The following PIEZO2 variants were observed in gnomAD, a reference collection of about 807,000 sequenced individuals.
PIEZO2 encodes the protein piezo-type mechanosensitive ion channel component 2.
A neutral mutation model predicts 337.3 loss-of-function variants in PIEZO2; 172 were observed. The observed-to-expected ratio is 0.51, with a 90% CI of 0.45 to 0.58. The LOEUF (loss-of-function observed/expected upper bound fraction) is 0.58, where lower values mean the gene tolerates loss of function less well. Ranked by LOEUF, PIEZO2 falls within the 20% of genes least tolerant of loss-of-function variation. PIEZO2 has a pLI of 0.00. For synonymous variants in PIEZO2, 1,251 were observed against 1,228.5 expected, an observed-to-expected ratio of 1.02 and a Z score of -0.38; for missense variants, 3,028 against 3,391.3, an observed-to-expected ratio of 0.89 and a Z score of 2.66.
chr18:11,060,022 G>T (rs2037882474), intron 2 of PIEZO2, among the ~76,000 whole-genome samples: 1 of 152,104 alleles, frequency 6.6e-6, no homozygotes, highest in East Asian at 1.9e-4. Context: ...GCACTCCTCA[G>T]CAAATGTAAA....
chr18:10,918,404 A>C lies in PIEZO2; in HGVS notation c.287-7176T>G, dbSNP rs191296959. On this transcript the variant is annotated intron_variant, in intron 3 of 55. Coordinates refer to ENST00000674853, the MANE Select transcript of PIEZO2 (RefSeq NM_001378183.1). Reference sequence around the variant, plus strand: ...TGATCATAAATATCTAGATGGCACAACCTTAAGTATATGATAATTGCTGTT... The same window carrying C: ...TGATCATAAATATCTAGATGGCACACCCTTAAGTATATGATAATTGCTGTT... Among the ~76,000 whole-genome samples the C allele has an allele frequency of 2.4e-3, 359 of 152,190 alleles. 3 individuals are homozygous for C. Among genetic ancestry groups the C allele is most frequent in the African/African-American group, 8.1e-3 (335 of 41,564 alleles).
intron 2 of PIEZO2, among the ~76,000 whole-genome samples, chr18:11,042,939 T>C (rs560629106): frequency 6.6e-6 from 1 of 152,208 alleles, no homozygotes; most frequent in Non-Finnish European, 1.5e-5. Flanking sequence ...AGGATAATTA[T>C]TGGTTTTATC....
At chr18:11,065,807 T>C (rs1172072114) in intron 2 of PIEZO2, among the ~76,000 whole-genome samples, 1 of 152,246 alleles carries the variant, frequency 6.6e-6, no homozygotes, top group African/African-American at 2.4e-5. Flanking sequence ...AATGTTGTCA[T>C]GCCATTTGTC....
chr18:10,721,657 T>C (rs972292877), intron 36 of PIEZO2, among the ~76,000 whole-genome samples: 3 of 152,060 alleles, frequency 2.0e-5, no homozygotes, highest in South Asian at 2.1e-4. Flanking sequence ...CAACAGTATG[T>C]GGCATTGACT....
intron 7 of PIEZO2, among the ~76,000 whole-genome samples, chr18:10,839,979 T>C (rs2041141941): frequency 6.6e-6 from 1 of 152,198 alleles, no homozygotes; most frequent in Non-Finnish European, 1.5e-5. Flanking sequence ...AAAGTACAGG[T>C]TAAATGTTTC....
chr18:11,084,176 C>CA (rs1161713844), intron 1 of PIEZO2, among the ~76,000 whole-genome samples: 10,408 of 64,098 alleles, frequency 0.16, 871 homozygotes, highest in Non-Finnish European at 0.21. Flanking sequence ...AACTCTGTCT[C>CA]AAAAAAAAAA....
At chr18:11,113,758 C>T (rs527250163) in intron 1 of PIEZO2, among the ~76,000 whole-genome samples, 2 of 152,304 alleles carry the variant, frequency 1.3e-5, no homozygotes, top group African/African-American at 4.8e-5. Context: ...TCTGTGACAA[C>T]GCAGGCCTTC....
intron 2 of PIEZO2, among the ~76,000 whole-genome samples, chr18:11,044,660 C>T (rs1454380553): frequency 6.6e-6 from 1 of 152,184 alleles, no homozygotes; most frequent in Non-Finnish European, 1.5e-5. Context: ...CCCTCACATT[C>T]TACTGTGAAA....
intron 36 of PIEZO2, among the ~76,000 whole-genome samples, chr18:10,722,155 A>G (rs2036340931): frequency 6.6e-6 from 1 of 151,898 alleles, no homozygotes; most frequent in Non-Finnish European, 1.5e-5. Context: ...ATCTCAAAAA[A>G]AAAAAAAAAA....
rs145948919 is a variant in PIEZO2, at chr18:10,979,657, T to G, written c.164A>C (p.His55Pro). The change falls in exon 3 of 56, where the codon CAT becomes CCT. Residue 55 changes from histidine (H) to proline (P), a missense_variant. Physicochemically the swap from His to Pro is moderately conservative, Grantham distance 77. Transcript: ENST00000674853. This position sits in a 1 kb window ranked among gnomAD's most constrained non-coding sequence, Gnocchi z 4.0. ...CAGAGACTTTAATAACCGTCCCGTA[T>G]GTCCTAAGGGATAAAAAGTGCAGAG... ...SEPTKTTMQG[H>P]TGRLLKSLCF... 24,823 of 1,533,854 alleles carry G rather than the reference T, an allele frequency of 0.016. 253 individuals are homozygous for G. The highest frequency in any genetic ancestry group is 0.02 in the Non-Finnish European group (22,567 of 1,144,652).
At chr18:10,996,195 T>C (rs1201465356) in intron 2 of PIEZO2, among the ~76,000 whole-genome samples, 1 of 152,200 alleles carries the variant, frequency 6.6e-6, no homozygotes, top group African/African-American at 2.4e-5. Flanking sequence ...AATTCCACCG[T>C]AGTGTTTGTT....
rs1247602345 is a variant in PIEZO2 at position 10,847,602 on chromosome 18, G to T, written c.917+7751C>A. 6.6e-6 allele frequency among the ~76,000 whole-genome samples: 1 copy of T among 152,078 alleles called. No homozygotes were observed. Among genetic ancestry groups the T allele is most frequent in the African/African-American group, 2.4e-5 (1 of 41,406 alleles). Reference sequence around the variant, plus strand: ...CCCGGTCCCCACTACACCCACGTAGGCCCCCAAACGATACCAAGGTCCAGA... The same window carrying T: ...CCCGGTCCCCACTACACCCACGTAGTCCCCCAAACGATACCAAGGTCCAGA... On this transcript the variant is annotated intron_variant, in intron 7 of 55. Transcript: ENST00000674853. This position sits in a 1 kb window ranked among gnomAD's most constrained non-coding sequence, Gnocchi z 5.7.
chr18:11,020,541 A>G (rs1256164986), intron 2 of PIEZO2, among the ~76,000 whole-genome samples: 1 of 152,202 alleles, frequency 6.6e-6, no homozygotes, highest in Non-Finnish European at 1.5e-5. Context: ...AGAAAAATAA[A>G]CACTCACAGC....
rs1404368529 is a variant in PIEZO2 at position 11,149,488 on chromosome 18, C to T, written c.-900G>A. The stretch of plus-strand genomic sequence containing the variant: ...ACCAGCGCCGTCCCGTCGCCCAGCG[C>T]GACCACCGCCTGCCGCCTTGCAGCC... On this transcript the variant is annotated 5_prime_UTR_variant, in exon 1 of 56. Coordinates refer to ENST00000674853, the MANE Select transcript of PIEZO2 (RefSeq NM_001378183.1). The surrounding 1 kb of genome is among the most constrained non-coding windows in gnomAD (Gnocchi z 8.7). Among the ~76,000 whole-genome samples the T allele has an allele frequency of 6.6e-6, 1 of 152,056 alleles. No individual in the cohort carries two copies. Among genetic ancestry groups the T allele is most frequent in the Non-Finnish European group, 1.5e-5 (1 of 67,978 alleles).
In PIEZO2 at chr18:10,978,138, C is replaced by T. The variant is rs557823719; in HGVS notation, c.286+1397G>A. Among the ~76,000 whole-genome samples, 145 of 152,098 alleles carry T rather than the reference C, an allele frequency of 9.5e-4. 1 individual carries two copies. The highest frequency in any genetic ancestry group is 3.3e-3 in the African/African-American group (139 of 41,494). ...GAGATCGAGACCATACTGGCTAACACGGTGAAACAGTGTCTCTACTAAAAA... is the reference window on the plus strand; with the variant it reads ...GAGATCGAGACCATACTGGCTAACATGGTGAAACAGTGTCTCTACTAAAAA... On this transcript the variant is annotated intron_variant, in intron 3 of 55. Transcript: ENST00000674853.
intron 20 of PIEZO2, among the ~76,000 whole-genome samples, chr18:10,772,086 G>T (rs1298469110): frequency 2.0e-5 from 3 of 152,194 alleles, no homozygotes; most frequent in East Asian, 1.9e-4. Flanking sequence ...GTATGCTGAG[G>T]TTGCTAAGAT....
intron 4 of PIEZO2, among the ~76,000 whole-genome samples, chr18:10,896,315 C>T (rs264166): frequency 0.62 from 93,541 of 151,824 alleles, 28,957 homozygotes; most frequent in East Asian, 0.77. Flanking sequence ...CAATGTGGGG[C>T]GAGGCCTGAC....
intron 2 of PIEZO2, among the ~76,000 whole-genome samples, chr18:11,044,655 A>G (rs2037238100): frequency 6.6e-6 from 1 of 152,172 alleles, no homozygotes; most frequent in South Asian, 2.1e-4. Context: ...CCTAACCCTC[A>G]CATTCTACTG....
chr18:10,819,717 T>C lies in PIEZO2; in HGVS notation c.918-12443A>G, dbSNP rs377226959. ...CAGCTTCTTACATGAAGACATAATA[T>C]CTTCACAAAACTTCATACAGAGATA... On this transcript the variant is annotated intron_variant, in intron 7 of 55. Transcript: ENST00000674853. This position sits in a 1 kb window ranked among gnomAD's most constrained non-coding sequence, Gnocchi z 4.3. Among the ~76,000 whole-genome samples the C allele has an allele frequency of 1.5e-3, 221 of 152,332 alleles. 1 individual carries two copies. The highest frequency in any genetic ancestry group is 5.0e-3 in the African/African-American group (210 of 41,586).
Sources: allele counts gnomAD v4.1 joint callset (sites outside exome capture counted in the v4.1 genomes callset), GRCh38; gene constraint gnomAD v4.1.1; non-coding constraint Gnocchi (gnomAD v3.1); transcripts MANE v1.5; gene names NCBI Gene and HGNC (gene_info 2026-07-23, HGNC 2026-07-21).